FAM222B: variants seen among roughly 807,000 people sequenced by gnomAD.
FAM222B encodes the protein protein FAM222B.
A neutral mutation model predicts 38.0 loss-of-function variants in FAM222B; 12 were observed. The observed-to-expected ratio is 0.32, with a 90% confidence interval of 0.20 to 0.51. FAM222B has a LOEUF of 0.51. Among genes scored for constraint, FAM222B ranks in the 20% least tolerant of loss-of-function variants. The probability of loss-of-function intolerance (pLI) is 0.97; values close to 1 mark genes in which losing one functional copy is unlikely to be tolerated. For synonymous variants in FAM222B, 329 were observed against 317.2 expected (o/e 1.04, Z -0.40); for missense variants, 716 against 754.2 (o/e 0.95, Z 0.59).
In FAM222B at chr17:28,758,319, TCGGGGGCTCGGTTGC is replaced by T. The variant is rs769949471; in HGVS notation, c.1625_1639del (p.Gly542_Pro546del). 2.4e-5 allele frequency: 38 copies of T among 1,608,860 alleles called. No homozygotes were observed. The Admixed American group carries it at 6.3e-4, about 26-fold the overall frequency. On this transcript the variant is annotated inframe_deletion, in exon 3 of 3. Coordinates refer to ENST00000581407, the MANE Select transcript of FAM222B (RefSeq NM_001077498.3). ...ATGAAGACTTCGACTCTCTGTGGGA[TCGGGGGCTCGGTTGC>T]CAGGGGCTCGGTGGGCCTTGCTCAG...
intron 1 of FAM222B, among the ~76,000 whole-genome samples, chr17:28,842,201 T>G (rs1007098651): frequency 2.0e-5 from 3 of 152,160 alleles, no homozygotes; most frequent in Non-Finnish European, 2.9e-5. Flanking sequence ...CGAACCTGCC[T>G]GACTCTAAGC....
chr17:28,798,615 T>C (rs2037054702), intron 1 of FAM222B, among the ~76,000 whole-genome samples: 1 of 151,096 alleles, frequency 6.6e-6, no homozygotes, highest in Admixed American at 6.7e-5. Context: ...CATGTGAAGT[T>C]TAATACTTAG....
At chr17:28,768,705 G>A (rs1385948893) in intron 1 of FAM222B, among the ~76,000 whole-genome samples, 2 of 151,844 alleles carry the variant, frequency 1.3e-5, no homozygotes, top group African/African-American at 4.8e-5. Flanking sequence ...GCATGGTGGC[G>A]CATGCCTGTA....
intron 1 of FAM222B, among the ~76,000 whole-genome samples, chr17:28,786,392 A>G (rs2036414314): frequency 6.6e-6 from 1 of 152,182 alleles, no homozygotes; most frequent in African/African-American, 2.4e-5. Context: ...TTATTCCCCC[A>G]GGGGAGAGCT....
intron 1 of FAM222B, among the ~76,000 whole-genome samples, chr17:28,785,702 T>C (rs1336342907): frequency 7.2e-6 from 1 of 138,136 alleles, no homozygotes; most frequent in African/African-American, 2.7e-5. Context: ...TGCCCGGCTA[T>C]TTTTTTTTTT....
In FAM222B at chr17:28,822,855, A is replaced by G. The variant is rs1469399171; in HGVS notation, c.-41+19827T>C. On this transcript the variant is annotated intron_variant, in intron 1 of 2. Transcript: ENST00000581407. Reference sequence around the variant, plus strand: ...AAAATATATATATATATATATATATATATATATATACACACATATATATAT... The same window carrying G: ...AAAATATATATATATATATATATATGTATATATATACACACATATATATAT... Among the ~76,000 whole-genome samples, 361 of 113,390 alleles carry G rather than the reference A, an allele frequency of 3.2e-3. 4 individuals carry two copies. Among genetic ancestry groups the G allele is most frequent in the African/African-American group, 0.013 (351 of 27,916 alleles). 74.4% of individuals were successfully genotyped at this position (113,390 alleles called of 152,430 possible).
chr17:28,810,892 T>A (rs1003575544), intron 1 of FAM222B, among the ~76,000 whole-genome samples: 1 of 152,172 alleles, frequency 6.6e-6, no homozygotes, highest in African/African-American at 2.4e-5. Flanking sequence ...AGAGATCTAA[T>A]AAATCAATGC....
At chr17:28,793,464 A>G (rs1040063699) in intron 1 of FAM222B, among the ~76,000 whole-genome samples, 4 of 152,116 alleles carry the variant, frequency 2.6e-5, no homozygotes, top group Non-Finnish European at 5.9e-5. Flanking sequence ...TAGCTTCTCC[A>G]CTTTCACACC....
At chr17:28,795,847 T>A (rs2036916396) in intron 1 of FAM222B, among the ~76,000 whole-genome samples, 1 of 152,186 alleles carries the variant, frequency 6.6e-6, no homozygotes, top group Non-Finnish European at 1.5e-5. Flanking sequence ...TTAGCATATA[T>A]TGCTATGAAT....
intron 1 of FAM222B, among the ~76,000 whole-genome samples, chr17:28,814,921 G>A (rs1201411424): frequency 5.3e-5 from 8 of 151,102 alleles, no homozygotes; most frequent in African/African-American, 1.2e-4. Context: ...TTACAGGCAC[G>A]AGCCACCGTG....
chr17:28,758,203 T>C lies in FAM222B; in HGVS notation c.*67A>G. The C allele has an allele frequency of 3.1e-6, 4 of 1,303,690 alleles. No homozygotes were observed. The South Asian group carries it at 5.8e-5, about 19-fold the overall frequency. The allele number at this position is 1,303,690 out of a possible 1,614,324, so 80.8% of individuals were successfully genotyped here. On this transcript the variant is annotated 3_prime_UTR_variant, in exon 3 of 3. Transcript: ENST00000581407. ...GCAGTGAAACTTTGAAACTATCCAG[T>C]TACTTAAAAGACTAAACCTAGGAGG...
chr17:28,761,201 C>T (rs949884743), intron 2 of FAM222B, among the ~76,000 whole-genome samples: 1 of 152,242 alleles, frequency 6.6e-6, no homozygotes, highest in Non-Finnish European at 1.5e-5. Flanking sequence ...GGGGGCTCAG[C>T]GGATGTCCGG....
chr17:28,796,411 C>G (rs542426629), intron 1 of FAM222B, among the ~76,000 whole-genome samples: 1 of 152,168 alleles, frequency 6.6e-6, no homozygotes, highest in South Asian at 2.1e-4. Flanking sequence ...GGAGAAAAAT[C>G]ATTAACTGGT....
At chr17:28,792,839 G>T (rs2036765619) in intron 1 of FAM222B, among the ~76,000 whole-genome samples, 1 of 151,452 alleles carries the variant, frequency 6.6e-6, no homozygotes. Flanking sequence ...CTATCTTGAA[G>T]GAGGAGCTGT....
Position 28,778,896 on chromosome 17 carries a change from G to A in FAM222B, c.-40-12189C>T, listed in dbSNP as rs183146671. Among the ~76,000 whole-genome samples the A allele has an allele frequency of 1.5e-3, 230 of 150,462 alleles. 2 individuals carry two copies. Among genetic ancestry groups the A allele is most frequent in the African/African-American group, 4.9e-3 (200 of 40,878 alleles). ...CATTACGTTATATAATAGACTTGAG[G>A]TTTCAAAGCTCTATCAGGACTGGAT... On this transcript the variant is annotated intron_variant, in intron 1 of 2. Transcript: ENST00000581407.
chr17:28,841,647 T>G (rs1170932684), intron 1 of FAM222B, among the ~76,000 whole-genome samples: 1 of 152,172 alleles, frequency 6.6e-6, no homozygotes, highest in East Asian at 1.9e-4. Flanking sequence ...GTGCTGGGAT[T>G]ACAGACATGA....
At chr17:28,773,479 CAAAAAAAAAAAAA>C (rs66716142) in intron 1 of FAM222B, among the ~76,000 whole-genome samples, 3 of 60,760 alleles carry the variant, frequency 4.9e-5, no homozygotes, top group Non-Finnish European at 8.5e-5. Flanking sequence ...AACTCTGTCT[CAAAAAAAAAAAAA>C]AAAAAAAAAA....
Position 28,759,459 on chromosome 17 carries a change from G to T in FAM222B, c.500C>A (p.Ala167Asp). Residue 167 changes from alanine to aspartate, a missense_variant, in exon 3 of 3, where the codon GCC becomes GAC. Physicochemically the swap from Ala to Asp is moderately radical, Grantham distance 126. Coordinates refer to ENST00000581407, the MANE Select transcript of FAM222B (RefSeq NM_001077498.3). This position sits in a 1 kb window ranked among gnomAD's most constrained non-coding sequence, Gnocchi z 4.8. The stretch of plus-strand genomic sequence containing the variant: ...AGGGTGCTGCAGCGTCTGGGGAGGG[G>T]CATGGGCCAGGGTCTGTGCATGCTG... ...ALQHAQTLAH[A>D]PPQTLQHPQG... 1 of 1,569,838 alleles carries T rather than the reference G, an allele frequency of 6.4e-7. No homozygotes were observed. Among genetic ancestry groups the T allele is most frequent in the Non-Finnish European group, 8.6e-7 (1 of 1,159,092 alleles).
intron 2 of FAM222B, among the ~76,000 whole-genome samples, chr17:28,764,899 T>G (rs772274070): frequency 3.9e-5 from 6 of 152,240 alleles, no homozygotes; most frequent in Non-Finnish European, 5.9e-5. Flanking sequence ...AAAGGAAGCT[T>G]CTCTTTGTCA....
Sources: allele counts gnomAD v4.1 joint callset (sites outside exome capture counted in the v4.1 genomes callset), GRCh38; gene constraint gnomAD v4.1.1; non-coding constraint Gnocchi (gnomAD v3.1); transcripts MANE v1.5; gene names NCBI Gene and HGNC (gene_info 2026-07-23, HGNC 2026-07-21).